The following AK9 variants were observed in gnomAD, a reference collection of about 807,000 sequenced individuals.
The protein encoded by AK9 is adenylate kinase domain containing 1.
A neutral mutation model predicts 239.6 loss-of-function variants in AK9; 191 were observed. That is an observed-to-expected ratio of 0.80 (90% CI 0.71 to 0.90). AK9 has a LOEUF of 0.90. Among genes scored for constraint, AK9 ranks in the 40% least tolerant of loss-of-function variants. AK9 has a pLI of 0.00. For synonymous variants in AK9, 689 were observed against 721.0 expected (o/e 0.96, Z 0.71); for missense variants, 1,995 against 2,214.7 (o/e 0.90, Z 1.99).
At position 109,620,057 on chromosome 6, in the gene AK9, T is replaced by C. The variant is rs183048940; in HGVS notation, c.1255-821A>G. On this transcript the variant is annotated intron_variant, in intron 12 of 40. Transcript: ENST00000424296. ...CTACAGTTTTTTATTCATTTATCTA[T>C]TGATAGACATTTGGGTTGTGTTCTA... is the stretch of plus-strand genomic sequence containing the variant. 1.0e-3 allele frequency among the ~76,000 whole-genome samples: 153 copies of C among 152,272 alleles called. 1 individual carries two copies. The highest frequency in any genetic ancestry group is 3.7e-4 in the Non-Finnish European group (25 of 68,020).
chr6:109,590,271 T>C (rs1373887594), intron 17 of AK9, among the ~76,000 whole-genome samples: 1 of 152,086 alleles, frequency 6.6e-6, no homozygotes, highest in East Asian at 1.9e-4. Context: ...TGTTCAGGTT[T>C]TCTATTTCTT....
chr6:109,674,177 G>C (rs893501208), intron 3 of AK9, 21 bp downstream of exon 3: 9 of 1,543,802 alleles, frequency 5.8e-6, no homozygotes, highest in Non-Finnish European at 7.9e-6. Flanking sequence ...TAAAATATTA[G>C]AGAAAAAAGA....
intron 1 of AK9, among the ~76,000 whole-genome samples, chr6:109,686,547 T>G (rs971426661): frequency 6.6e-6 from 1 of 152,178 alleles, no homozygotes; most frequent in Non-Finnish European, 1.5e-5. Flanking sequence ...TAGTTTTAGG[T>G]TGTAGTACCA....
rs758691961 is a variant in AK9 at position 109,625,162 on chromosome 6, G to C, written c.1255-5926C>G. Reference sequence around the variant, plus strand: ...TGAGTATTGTTTGTTTAGTGTTTAGGTGATCTGGCTTGGCAATTATATTAT... The same window carrying C: ...TGAGTATTGTTTGTTTAGTGTTTAGCTGATCTGGCTTGGCAATTATATTAT... On this transcript the variant is annotated intron_variant, in intron 12 of 40. Transcript: ENST00000424296. Among the ~76,000 whole-genome samples, 7 of 152,214 alleles carry C rather than the reference G, an allele frequency of 4.6e-5. No individual in the cohort carries two copies. In the South Asian group the frequency reaches 6.2e-4, roughly 14 times the overall value.
intron 18 of AK9, 42 bp from the exon 19 acceptor site, chr6:109,585,279 A>T: frequency 1.6e-6 from 1 of 634,422 alleles, no homozygotes; most frequent in Non-Finnish European, 2.1e-6. Flanking sequence ...TTTGTAGCTT[A>T]TAAAATACAG....
At chr6:109,614,046 T>C in intron 15 of AK9, 137 bp downstream of exon 15, 1 of 730,154 alleles carries the variant, frequency 1.4e-6, no homozygotes, top group Admixed American at 2.6e-5. Context: ...GTTAAATCCA[T>C]AAGGAAATAT....
chr6:109,540,119 C>G, intron 27 of AK9, among the ~76,000 whole-genome samples: 1 of 151,608 alleles, frequency 6.6e-6, no homozygotes, highest in Non-Finnish European at 1.5e-5. Flanking sequence ...AACCACTACT[C>G]TCTTCAAAGC....
chr6:109,644,397 G>A (rs1028492832), intron 9 of AK9: 22 of 397,018 alleles, frequency 5.5e-5, no homozygotes, highest in Non-Finnish European at 9.6e-5. Context: ...TCTTTGAGAC[G>A]CCTTTTGAAA....
chr6:109,681,357 A>G (rs919470958), intron 1 of AK9, among the ~76,000 whole-genome samples: 5 of 152,230 alleles, frequency 3.3e-5, no homozygotes, highest in Non-Finnish European at 7.3e-5. Flanking sequence ...GAAGGTCATT[A>G]CACAGTGGTA....
At chr6:109,625,756 T>C (rs1795456124) in intron 12 of AK9, among the ~76,000 whole-genome samples, 1 of 152,164 alleles carries the variant, frequency 6.6e-6, no homozygotes, top group East Asian at 1.9e-4. Flanking sequence ...ACTGCTGCTT[T>C]TGGGGTTTTC....
rs116389976 is a variant in AK9, at chr6:109,515,389, A to G, written c.4065+468T>C. On this transcript the variant is annotated intron_variant, in intron 31 of 40. Transcript: ENST00000424296. ...GTGGTGCCCCATCTTTGCACTGGTG[A>G]TGATGAAGACTGGGCAATTGATCAA... 2.8e-3 allele frequency among the ~76,000 whole-genome samples: 424 copies of G among 152,326 alleles called. 1 individual carries two copies. The highest frequency in any genetic ancestry group is 9.7e-3 in the African/African-American group (405 of 41,570).
intron 12 of AK9, among the ~76,000 whole-genome samples, chr6:109,628,010 A>G (rs946399380): frequency 1.3e-5 from 2 of 152,174 alleles, no homozygotes; most frequent in East Asian, 3.9e-4. Context: ...CCAATTTGAT[A>G]GGGCTCAATC....
intron 22 of AK9, 64 bp from the exon 23 acceptor site, chr6:109,564,344 G>T: frequency 7.6e-7 from 1 of 1,310,696 alleles, no homozygotes; most frequent in Non-Finnish European, 1.0e-6. Flanking sequence ...TAGCCATATT[G>T]CCAAAATAGC....
chr6:109,613,901 T>G (rs1222499244), intron 15 of AK9, among the ~76,000 whole-genome samples: 1 of 152,092 alleles, frequency 6.6e-6, no homozygotes, highest in Non-Finnish European at 1.5e-5. Flanking sequence ...TAAAAAGAAT[T>G]TATGATATGA....
chr6:109,603,457 C>T (rs1235401316), intron 17 of AK9, among the ~76,000 whole-genome samples: 1 of 152,172 alleles, frequency 6.6e-6, no homozygotes, highest in African/African-American at 2.4e-5. Context: ...GGGTACCTGG[C>T]CGTGTGAGGT....
Position 109,550,109 on chromosome 6 carries a change from G to A in AK9, c.2945C>T (p.Ala982Val). ...KFLEHPEDYV[A>V]HEEPLKAPPL... ...TCTCACCTTCAATGGTTCTTCATGA[G>A]CCACATAATCCTCAGGATGCTCCAA... The change falls in exon 25 of 41, where the codon GCT becomes GTT. Residue 982 changes from alanine to valine, a missense_variant. Transcript: ENST00000424296. 2 of 1,613,756 alleles carry A rather than the reference G, an allele frequency of 1.2e-6. No individual in the cohort carries two copies. Among genetic ancestry groups the A allele is most frequent in the Non-Finnish European group, 1.7e-6 (2 of 1,179,968 alleles).
chr6:109,606,439 T>C (rs2128235488), intron 17 of AK9, among the ~76,000 whole-genome samples: 1 of 152,240 alleles, frequency 6.6e-6, no homozygotes, highest in South Asian at 2.1e-4. Flanking sequence ...GTACAGATGT[T>C]AGAGGGAAAC....
intron 17 of AK9, among the ~76,000 whole-genome samples, chr6:109,601,137 C>T (rs949665968): frequency 6.6e-6 from 1 of 152,076 alleles, no homozygotes; most frequent in African/African-American, 2.4e-5. Context: ...TTTGTTTGCT[C>T]TTGTTTCTCT....
Position 109,499,170 on chromosome 6 carries a change from T to C in AK9, c.4920A>G (p.Glu1640=), listed in dbSNP as rs1304316079. The C allele has an allele frequency of 2.5e-6, 4 of 1,597,730 alleles. No individual in the cohort carries two copies. In the African/African-American group the frequency reaches 5.4e-5, roughly 21 times the overall value. Residue 1640 remains glutamate (E), a synonymous_variant, in exon 36 of 41, where the codon GAA becomes GAG. Transcript: ENST00000424296. The part of the protein sequence containing the change: ...QELLSRLGEF[E]QFCPVSLAES... ...CTGCCAGGCTGACAGGGCAGAACTG[T>C]TCAAATTCTCCCAGGCGAGAAAGCA...
Sources: allele counts gnomAD v4.1 joint callset (sites outside exome capture counted in the v4.1 genomes callset), GRCh38; gene constraint gnomAD v4.1.1; transcripts MANE v1.5; gene names NCBI Gene and HGNC (gene_info 2026-07-23, HGNC 2026-07-21).